E2F3: variants seen among roughly 807,000 people sequenced by gnomAD.
The protein encoded by E2F3 is transcription factor E2F3.
A neutral mutation model predicts 44.4 loss-of-function variants in E2F3; 11 were observed. The ratio of observed to expected loss-of-function variants is 0.25; its 90% confidence interval spans 0.16 to 0.41. E2F3 has a LOEUF of 0.41. Among genes scored for constraint, E2F3 ranks in the 10% least tolerant of loss-of-function variants. E2F3 has a pLI of 1.00. For synonymous variants in E2F3, 249 were observed against 253.0 expected, an observed-to-expected ratio of 0.98 and a Z score of 0.15; for missense variants, 487 against 583.6, an observed-to-expected ratio of 0.83 and a Z score of 1.70.
chr6:20,480,770 A>T (rs1382932978), intron 2 of E2F3, among the ~76,000 whole-genome samples: 4 of 151,702 alleles, frequency 2.6e-5, no homozygotes, highest in Non-Finnish European at 5.9e-5. Context: ...GCCATTTGAG[A>T]TGGGTCTGTT....
At chr6:20,478,206 A>T (rs1762108675) in intron 1 of E2F3, among the ~76,000 whole-genome samples, 1 of 152,144 alleles carries the variant, frequency 6.6e-6, no homozygotes, top group Non-Finnish European at 1.5e-5. Context: ...CTCTAAAAAA[A>T]TAAAATCAGT....
chr6:20,403,679 A>T, intron 1 of E2F3: 2 of 443,154 alleles, frequency 4.5e-6, no homozygotes, highest in Non-Finnish European at 8.0e-6. Flanking sequence ...CGCCCCCGGC[A>T]CCGCCACCCT....
chr6:20,424,210 GGTGTGT>G lies in E2F3; in HGVS notation c.393+21620_393+21625del, dbSNP rs57286350. The stretch of plus-strand genomic sequence containing the variant: ...TTTTGATCTTTAACCTCAGTGGAAG[GGTGTGT>G]GTGTGTGTGTGTGTGTGTGTGTGTG... On this transcript the variant is annotated intron_variant, in intron 1 of 6. Coordinates refer to ENST00000346618, the MANE Select transcript of E2F3 (RefSeq NM_001949.5). Among the ~76,000 whole-genome samples, 1,223 of 136,990 alleles carry G rather than the reference GGTGTGT, an allele frequency of 8.9e-3. 20 individuals are homozygous for G. Among genetic ancestry groups the G allele is most frequent in the African/African-American group, 0.03 (1,105 of 36,516 alleles). The allele number at this position is 136,990 out of a possible 152,430, so 89.9% of individuals were successfully genotyped here. A position where few individuals can be genotyped will look rare whatever the true frequency, so the allele number is the denominator to read the frequency against.
At position 20,417,882 on chromosome 6, in the gene E2F3, G is replaced by A. The variant is rs557491243; in HGVS notation, c.393+15257G>A. Among the ~76,000 whole-genome samples, 5 of 152,070 alleles carry A rather than the reference G, an allele frequency of 3.3e-5. No individual in the cohort carries two copies. In the East Asian group the frequency reaches 5.8e-4, roughly 18 times the overall value. ...TTCGAAAAATATCTCTCTGACCATC[G>A]GTGGGCATTTCCTCTCTCTTTCTGT... On this transcript the variant is annotated intron_variant, in intron 1 of 6. Transcript: ENST00000346618.
chr6:20,475,223 T>C (rs1301058767), intron 1 of E2F3, among the ~76,000 whole-genome samples: 1 of 152,252 alleles, frequency 6.6e-6, no homozygotes, highest in Non-Finnish European at 1.5e-5. Context: ...TTTGGTCAAT[T>C]TATGGTTTGG....
At chr6:20,434,829 T>G (rs759808917) in intron 1 of E2F3, among the ~76,000 whole-genome samples, 36 of 152,164 alleles carry the variant, frequency 2.4e-4, no homozygotes, top group Non-Finnish European at 4.4e-4. Flanking sequence ...TGGGCAGTAC[T>G]AAGCAGAATC....
intron 2 of E2F3, 147 bp from the exon 3 acceptor site, chr6:20,481,059 C>T (rs1762206960): frequency 4.2e-6 from 3 of 716,846 alleles, no homozygotes; most frequent in South Asian, 4.0e-5. Context: ...CTATGACTTG[C>T]CAACACCAAC....
intron 1 of E2F3, among the ~76,000 whole-genome samples, chr6:20,427,049 T>A (rs1474352854): frequency 6.6e-6 from 1 of 152,206 alleles, no homozygotes; most frequent in Admixed American, 6.5e-5. Context: ...TGGGGTAATA[T>A]ATGTGTAAAA....
At chr6:20,480,562 T>C (rs1407243039) in intron 2 of E2F3, among the ~76,000 whole-genome samples, 2 of 152,238 alleles carry the variant, frequency 1.3e-5, no homozygotes, top group Non-Finnish European at 2.9e-5. Flanking sequence ...ATCCACAAAT[T>C]GTGTGACACT....
At chr6:20,438,883 T>C (rs1760679877) in intron 1 of E2F3, among the ~76,000 whole-genome samples, 1 of 152,150 alleles carries the variant, frequency 6.6e-6, no homozygotes, top group Non-Finnish European at 1.5e-5. Flanking sequence ...AAGTTGCTGG[T>C]TTCCATTTTC....
At chr6:20,423,432 T>A (rs1040133384) in intron 1 of E2F3, among the ~76,000 whole-genome samples, 15 of 152,232 alleles carry the variant, frequency 9.9e-5, no homozygotes, top group Non-Finnish European at 2.2e-4. Flanking sequence ...TGCTGTCGAC[T>A]GAAAGCATCA....
At chr6:20,486,260 T>G (rs142313530) in intron 4 of E2F3, among the ~76,000 whole-genome samples, 1,773 of 152,250 alleles carry the variant, frequency 0.012, 39 homozygotes, top group African/African-American at 0.04. Context: ...CATTTGCACA[T>G]CCAGAAGGGG....
chr6:20,482,590 GAAA>G (rs372496935), intron 3 of E2F3, among the ~76,000 whole-genome samples, 169 bp from the exon 4 acceptor site: 5 of 135,612 alleles, frequency 3.7e-5, no homozygotes, highest in African/African-American at 1.3e-4. Context: ...CTGTATTTAT[GAAA>G]AAAAAAATAT....
Position 20,402,063 on chromosome 6 carries a change from G to T in E2F3, c.-170G>T, listed in dbSNP as rs928960565. 5.0e-6 allele frequency: 6 copies of T among 1,204,808 alleles called. No homozygotes were observed. Among genetic ancestry groups the T allele is most frequent in the Non-Finnish European group, 6.6e-6 (6 of 915,814 alleles). 74.6% of individuals were successfully genotyped at this position (1,204,808 alleles called of 1,614,324 possible). A position where few individuals can be genotyped will look rare whatever the true frequency, so the allele number is the denominator to read the frequency against. ...AGAGCCCCGATTATTTTTGGCCCCC[G>T]GGGCCTGTGCGGTGCGGAAAAATAA... is the stretch of plus-strand genomic sequence containing the variant. On this transcript the variant is annotated 5_prime_UTR_variant, in exon 1 of 7. Coordinates refer to ENST00000346618, the MANE Select transcript of E2F3 (RefSeq NM_001949.5). This position sits in a 1 kb window ranked among gnomAD's most constrained non-coding sequence, Gnocchi z 5.6.
intron 1 of E2F3, among the ~76,000 whole-genome samples, chr6:20,447,129 C>T (rs1159886281): frequency 2.0e-5 from 3 of 152,110 alleles, no homozygotes; most frequent in Non-Finnish European, 2.9e-5. Flanking sequence ...GGTAGATCCT[C>T]TGAACACAGA....
intron 1 of E2F3, among the ~76,000 whole-genome samples, chr6:20,454,928 C>T (rs1046354659): frequency 5.5e-4 from 83 of 152,114 alleles, no homozygotes; most frequent in African/African-American, 1.5e-3. Flanking sequence ...TTCAACTACC[C>T]GGGCCAAATC....
At chr6:20,472,359 C>T (rs968213363) in intron 1 of E2F3, among the ~76,000 whole-genome samples, 2 of 152,088 alleles carry the variant, frequency 1.3e-5, no homozygotes, top group Admixed American at 6.6e-5. Flanking sequence ...GTGTCATGGT[C>T]ACTGACAAAT....
At chr6:20,417,887 G>T (rs1192451245) in intron 1 of E2F3, among the ~76,000 whole-genome samples, 1 of 151,956 alleles carries the variant, frequency 6.6e-6, no homozygotes, top group Non-Finnish European at 1.5e-5. Context: ...CCATCGGTGG[G>T]CATTTCCTCT....
intron 1 of E2F3, among the ~76,000 whole-genome samples, chr6:20,459,138 GGCCGACACCTGTAATCCCA>G (rs1450777408): frequency 2.0e-5 from 3 of 152,186 alleles, no homozygotes; most frequent in African/African-American, 7.2e-5. Flanking sequence ...CTAGCGTGGT[GGCCGACACCTGTAATCCCA>G]GCTACTCGGG....
Sources: allele counts gnomAD v4.1 joint callset (sites outside exome capture counted in the v4.1 genomes callset), GRCh38; gene constraint gnomAD v4.1.1; non-coding constraint Gnocchi (gnomAD v3.1); transcripts MANE v1.5; gene names NCBI Gene and HGNC (gene_info 2026-07-23, HGNC 2026-07-21).